Variants in GRID1 observed in about 807,000 individuals in gnomAD.
GRID1 encodes glutamate ionotropic receptor delta type subunit 1.
A neutral mutation model predicts 98.0 loss-of-function variants in GRID1; 28 were observed. That is an observed-to-expected ratio of 0.29 (90% CI 0.21 to 0.39). The LOEUF is 0.39. Among genes scored for constraint, GRID1 ranks in the 10% least tolerant of loss-of-function variants. GRID1 has a pLI of 1.00. For synonymous variants in GRID1, 553 were observed against 538.5 expected, an observed-to-expected ratio of 1.03 and a Z score of -0.37; for missense variants, 1,111 against 1,340.5, an observed-to-expected ratio of 0.83 and a Z score of 2.67.
chr10:85,974,149 C>T (rs1276437804), intron 4 of GRID1, among the ~76,000 whole-genome samples: 1 of 152,140 alleles, frequency 6.6e-6, no homozygotes, highest in Non-Finnish European at 1.5e-5. Context: ...CTCACTTTTG[C>T]CAGCATGCCA....
intron 12 of GRID1, among the ~76,000 whole-genome samples, chr10:85,680,070 G>C (rs1417551357): frequency 6.6e-6 from 1 of 152,092 alleles, no homozygotes; most frequent in East Asian, 1.9e-4. Context: ...GATGCCCAAG[G>C]CTTCCTCCAG....
At chr10:86,207,779 G>C (rs896637553) in intron 2 of GRID1, among the ~76,000 whole-genome samples, 2 of 151,748 alleles carry the variant, frequency 1.3e-5, no homozygotes, top group African/African-American at 2.4e-5. Context: ...CTACAGGCAC[G>C]CGCCACCATG....
At chr10:86,342,879 G>GAAA (rs1168321693) in intron 2 of GRID1, among the ~76,000 whole-genome samples, 1 of 152,250 alleles carries the variant, frequency 6.6e-6, no homozygotes, top group African/African-American at 2.4e-5. Context: ...TTGTTCCTGT[G>GAAA]AAAAGCACAG....
At chr10:85,933,809 G>A (rs1302512907) in intron 4 of GRID1, among the ~76,000 whole-genome samples, 1 of 152,182 alleles carries the variant, frequency 6.6e-6, no homozygotes, top group Non-Finnish European at 1.5e-5. Flanking sequence ...GGAACCATCA[G>A]TAACCTCGGG....
At chr10:86,351,616 G>A (rs972949700) in intron 2 of GRID1, among the ~76,000 whole-genome samples, 1 of 152,214 alleles carries the variant, frequency 6.6e-6, no homozygotes, top group Non-Finnish European at 1.5e-5. Context: ...ATTGGCAGGG[G>A]TGTCTGATGC....
intron 4 of GRID1, among the ~76,000 whole-genome samples, chr10:86,110,161 A>G (rs994442917): frequency 6.6e-6 from 1 of 151,976 alleles, no homozygotes; most frequent in Non-Finnish European, 1.5e-5. Flanking sequence ...TTTAGTAGAG[A>G]CAGGGTTTCA....
At chr10:86,274,824 G>T (rs922517360) in intron 2 of GRID1, among the ~76,000 whole-genome samples, 8 of 151,438 alleles carry the variant, frequency 5.3e-5, no homozygotes, top group African/African-American at 1.7e-4. Flanking sequence ...GAGACAATGG[G>T]GTTTTCTAGA....
chr10:86,223,381 G>A (rs1399129436), intron 2 of GRID1, among the ~76,000 whole-genome samples: 1 of 152,252 alleles, frequency 6.6e-6, no homozygotes, highest in East Asian at 1.9e-4. Context: ...AGGAAGCTGC[G>A]GAGCTGTGGC....
intron 8 of GRID1, among the ~76,000 whole-genome samples, chr10:85,781,404 G>C (rs1415229446): frequency 6.6e-6 from 1 of 152,152 alleles, no homozygotes; most frequent in East Asian, 1.9e-4. Context: ...TTAATCCTTT[G>C]TTCCCTGAAA....
rs1842559389 is a variant in GRID1 at position 85,600,519 on chromosome 10, T to C, written c.*1754A>G. On this transcript the variant is annotated 3_prime_UTR_variant, in exon 16 of 16. Transcript: ENST00000327946. ...CTCTACAAGGCTATAGAAGAAGCAA[T>C]CAATAGGACTTTGTATTTCTCCATG... The C allele has an allele frequency of 6.6e-6, 1 of 152,272 alleles. No individual in the cohort carries two copies. Among genetic ancestry groups the C allele is most frequent in the South Asian group, 2.1e-4 (1 of 4,824 alleles). 9.4% of individuals were successfully genotyped at this position (152,272 alleles called of 1,614,324 possible).
intron 8 of GRID1, among the ~76,000 whole-genome samples, chr10:85,737,844 G>T (rs887978065): frequency 6.6e-6 from 1 of 151,308 alleles, no homozygotes; most frequent in African/African-American, 2.4e-5. Flanking sequence ...CCTTTGAACT[G>T]AATTTCAAAT....
chr10:86,363,782 G>C (rs1411033802), intron 2 of GRID1, among the ~76,000 whole-genome samples, 159 bp downstream of exon 2: 1 of 152,242 alleles, frequency 6.6e-6, no homozygotes, highest in Non-Finnish European at 1.5e-5. Context: ...CCGCTGCCTA[G>C]GTGGGCCGGG....
intron 3 of GRID1, among the ~76,000 whole-genome samples, chr10:86,176,509 A>C (rs939900562): frequency 6.6e-6 from 1 of 152,246 alleles, no homozygotes; most frequent in Non-Finnish European, 1.5e-5. Context: ...CTGAGAGCTA[A>C]AGCAGTTCAG....
Position 85,601,534 on chromosome 10 carries a change from T to A in GRID1, c.*739A>T, listed in dbSNP as rs3812651. The A allele has an allele frequency of 2.0e-5, 3 of 152,114 alleles. No homozygotes were observed. The highest frequency in any genetic ancestry group is 2.9e-5 in the Non-Finnish European group (2 of 68,016). The allele number at this position is 152,114 out of a possible 1,614,324, so 9.4% of individuals were successfully genotyped here. A position where few individuals can be genotyped will look rare whatever the true frequency, so the allele number is the denominator to read the frequency against. ...AGAAAATGAAAAACAAGGCCAACAG[T>A]ATGATATGAGAACAGCTCAGTATCA... On this transcript the variant is annotated 3_prime_UTR_variant, in exon 16 of 16. Coordinates refer to ENST00000327946, the MANE Select transcript of GRID1 (RefSeq NM_017551.3).
intron 2 of GRID1, among the ~76,000 whole-genome samples, chr10:86,237,119 T>C (rs552348236): frequency 6.6e-6 from 1 of 152,258 alleles, no homozygotes; most frequent in South Asian, 2.1e-4. Context: ...ACTGTGCCAT[T>C]TCTCACTACG....
intron 8 of GRID1, among the ~76,000 whole-genome samples, chr10:85,744,134 C>T (rs1419218956): frequency 6.6e-6 from 1 of 152,134 alleles, no homozygotes; most frequent in African/African-American, 2.4e-5. Context: ...TAAACCCTTT[C>T]TTAAGACTTC....
intron 4 of GRID1, among the ~76,000 whole-genome samples, chr10:86,081,179 G>A (rs1589364646): frequency 6.6e-6 from 1 of 152,284 alleles, no homozygotes; most frequent in Middle Eastern, 3.4e-3. Flanking sequence ...CGCCCAGGCT[G>A]GCCCAGGAGT....
chr10:85,844,976 T>C (rs1842993275), intron 8 of GRID1, among the ~76,000 whole-genome samples: 1 of 151,954 alleles, frequency 6.6e-6, no homozygotes, highest in Admixed American at 6.6e-5. Flanking sequence ...ACCAAAATTA[T>C]GTAGTAAACA....
intron 2 of GRID1, among the ~76,000 whole-genome samples, chr10:86,250,917 G>A (rs1308898905): frequency 1.3e-5 from 2 of 152,228 alleles, no homozygotes; most frequent in Non-Finnish European, 2.9e-5. Flanking sequence ...GGAAATGTGG[G>A]GAAAGGAAGG....
Sources: gnomAD v4.1 joint callset for allele counts (sites outside exome capture counted in the v4.1 genomes callset) on GRCh38, gnomAD v4.1.1 for gene constraint, MANE v1.5 for transcripts, NCBI Gene and HGNC (gene_info 2026-07-23, HGNC 2026-07-21) for gene names.